PDZD2: variants seen among roughly 807,000 people sequenced by gnomAD.
The protein encoded by PDZD2 is PDZ domain containing 2.
In PDZD2, 90 loss-of-function variants were observed where a neutral mutation model predicts 220.7. The ratio of observed to expected loss-of-function variants is 0.41; its 90% CI spans 0.34 to 0.49. The LOEUF (loss-of-function observed/expected upper bound fraction) is 0.49, where lower values mean the gene tolerates loss of function less well. PDZD2 is among the 20% of genes least tolerant of loss of function. PDZD2 has a pLI of 0.28. For synonymous variants in PDZD2, 1,375 were observed against 1,450.5 expected (o/e 0.95, Z 1.18); for missense variants, 3,174 against 3,608.5 (o/e 0.88, Z 3.08).
chr5:32,008,284 C>CTT (rs58124921), intron 5 of PDZD2, among the ~76,000 whole-genome samples: 1,881 of 129,108 alleles, frequency 0.015, 66 homozygotes, highest in African/African-American at 0.047. Context: ...TCTTTTGTTT[C>CTT]TTTTTTTTTT....
chr5:32,065,339 A>G (rs972239070), intron 14 of PDZD2, among the ~76,000 whole-genome samples: 3 of 152,226 alleles, frequency 2.0e-5, no homozygotes, highest in Non-Finnish European at 4.4e-5. Flanking sequence ...CATGCCTGTC[A>G]TATGGGCATA....
In PDZD2 at chr5:32,000,809, C is replaced by T. The variant is rs905042956; in HGVS notation, c.1254+538C>T. ...ACAGGCGTGAGCCACCATGCCTGGCCCTTTAAGAGTTTTTATAGGTATATG... is the reference window on the plus strand; with the variant it reads ...ACAGGCGTGAGCCACCATGCCTGGCTCTTTAAGAGTTTTTATAGGTATATG... On this transcript the variant is annotated intron_variant, in intron 5 of 24. Coordinates refer to ENST00000438447, the MANE Select transcript of PDZD2 (RefSeq NM_178140.4). The surrounding 1 kb of genome is among the most constrained non-coding windows in gnomAD (Gnocchi z 4.5). Among the ~76,000 whole-genome samples, 7 of 152,300 alleles carry T rather than the reference C, an allele frequency of 4.6e-5. No homozygotes were observed. Among genetic ancestry groups the T allele is most frequent in the African/African-American group, 1.7e-4 (7 of 41,582 alleles).
At chr5:31,862,160 C>T (rs1236079434) in intron 2 of PDZD2, among the ~76,000 whole-genome samples, 1 of 120,990 alleles carries the variant, frequency 8.3e-6, no homozygotes, top group Non-Finnish European at 1.6e-5. Flanking sequence ...GGCTGGAGTG[C>T]AGTGGCACAA....
At chr5:31,907,778 T>G (rs1422373057) in intron 2 of PDZD2, among the ~76,000 whole-genome samples, 4 of 152,128 alleles carry the variant, frequency 2.6e-5, no homozygotes, top group African/African-American at 9.7e-5. Flanking sequence ...CCCAATTAAA[T>G]GAAGGCATAA....
At chr5:31,877,654 T>C (rs2150331626) in intron 2 of PDZD2, among the ~76,000 whole-genome samples, 1 of 151,632 alleles carries the variant, frequency 6.6e-6, no homozygotes, top group African/African-American at 2.4e-5. Flanking sequence ...AGAAATTTGC[T>C]TGAGAAACTT....
In PDZD2 at chr5:31,686,219, G is replaced by A. The variant is rs548572548; in HGVS notation, c.-361+46782G>A. Among the ~76,000 whole-genome samples the A allele has an allele frequency of 3.9e-4, 59 of 149,718 alleles. 1 individual carries two copies. The highest frequency in any genetic ancestry group is 1.2e-3 in the African/African-American group (49 of 40,666). Reference sequence around the variant, plus strand: ...AGCCTGGGCGACAGAGCGAGTCTCCGTCTCAAAAAAAAAAATAGCCATAAT... The same window carrying A: ...AGCCTGGGCGACAGAGCGAGTCTCCATCTCAAAAAAAAAAATAGCCATAAT... On this transcript the variant is annotated intron_variant, in intron 1 of 24. Transcript: ENST00000438447.
intron 1 of PDZD2, among the ~76,000 whole-genome samples, chr5:31,656,168 A>G (rs1442357534): frequency 1.3e-5 from 2 of 152,106 alleles, no homozygotes; most frequent in East Asian, 3.9e-4. Context: ...TATAAACTTC[A>G]TTTGCTCAAA....
intron 12 of PDZD2, 134 bp from the exon 13 acceptor site, chr5:32,059,105 C>T (rs1248372074): frequency 8.5e-6 from 5 of 585,290 alleles, no homozygotes; most frequent in Admixed American, 3.1e-5. Flanking sequence ...GCTGGATTTA[C>T]ATTCTGAGTC....
At chr5:31,819,853 T>G (rs1472681391) in intron 2 of PDZD2, among the ~76,000 whole-genome samples, 1 of 152,120 alleles carries the variant, frequency 6.6e-6, no homozygotes, top group African/African-American at 2.4e-5. Context: ...TATACAAAAG[T>G]GCTGTTTTTC....
At chr5:31,972,191 A>G (rs1031891387) in intron 2 of PDZD2, among the ~76,000 whole-genome samples, 2 of 152,066 alleles carry the variant, frequency 1.3e-5, no homozygotes, top group African/African-American at 2.4e-5. Context: ...TTGGTTCACT[A>G]CAGCCTCTGC....
intron 2 of PDZD2, among the ~76,000 whole-genome samples, chr5:31,948,615 C>A (rs1404464871): frequency 6.6e-6 from 1 of 152,074 alleles, no homozygotes; most frequent in Non-Finnish European, 1.5e-5. Context: ...TACAGATTTG[C>A]AGACATAAGG....
chr5:32,075,860 G>A (rs161548), intron 18 of PDZD2, among the ~76,000 whole-genome samples: 1 of 151,812 alleles, frequency 6.6e-6, no homozygotes. Flanking sequence ...GGCAAAAGTC[G>A]TTTTTTTAAC....
chr5:31,976,740 CAG>C (rs1356619684), intron 2 of PDZD2, among the ~76,000 whole-genome samples: 6 of 103,090 alleles, frequency 5.8e-5, no homozygotes, highest in African/African-American at 2.3e-4. Context: ...TTTTTTGTGA[CAG>C]AGTCTCCCTC....
chr5:31,664,917 G>C (rs936772854), intron 1 of PDZD2: 3 of 152,232 alleles, frequency 2.0e-5, no homozygotes, highest in Admixed American at 6.5e-5. Context: ...AGTGCCTTGG[G>C]TTGGAGTGAA....
At chr5:31,665,742 G>A (rs536391114) in intron 1 of PDZD2, among the ~76,000 whole-genome samples, 5 of 146,422 alleles carry the variant, frequency 3.4e-5, no homozygotes, top group African/African-American at 9.9e-5. Flanking sequence ...CCAGCCACGC[G>A]GAACTGTGAA....
chr5:31,651,447 CCTG>C (rs1745345156), intron 1 of PDZD2, among the ~76,000 whole-genome samples: 1 of 152,094 alleles, frequency 6.6e-6, no homozygotes, highest in South Asian at 2.1e-4. Context: ...GCTCATTGTT[CCTG>C]CTAACATGCA....
intron 2 of PDZD2, among the ~76,000 whole-genome samples, chr5:31,886,746 G>A (rs1468270168): frequency 1.3e-5 from 2 of 150,818 alleles, no homozygotes; most frequent in African/African-American, 2.4e-5. Flanking sequence ...CGCTCAGGCT[G>A]GAGTGCAGTG....
At chr5:31,849,995 CAT>C (rs1187047694) in intron 2 of PDZD2, among the ~76,000 whole-genome samples, 357 of 15,476 alleles carry the variant, frequency 0.023, 53 homozygotes, top group East Asian at 0.081. Flanking sequence ...TATATATACA[CAT>C]ATATATATAT....
chr5:32,025,591 C>CTTTTTTTTTTTTCTTTTTTTTTTTTTTT (rs1754585119), intron 6 of PDZD2, among the ~76,000 whole-genome samples: 1 of 67,508 alleles, frequency 1.5e-5, no homozygotes, highest in African/African-American at 6.6e-5. Context: ...AACCATGATG[C>CTTTTTTTTTTTTCTTTTTTTTTTTTTTT]TTTTTTTTTT....
Sources: gnomAD v4.1 joint callset for allele counts (sites outside exome capture counted in the v4.1 genomes callset) on GRCh38, gnomAD v4.1.1 for gene constraint, Gnocchi (gnomAD v3.1) non-coding constraint, MANE v1.5 for transcripts, NCBI Gene and HGNC (gene_info 2026-07-23, HGNC 2026-07-21) for gene names.